PSORS1C1: variants seen among roughly 807,000 people sequenced by gnomAD.
PSORS1C1 encodes psoriasis susceptibility 1 candidate gene 1 protein.
A neutral mutation model predicts 9.4 loss-of-function variants in PSORS1C1; 7 were observed. That is an observed-to-expected ratio of 0.75 (90% CI 0.42 to 1.40). PSORS1C1 has a LOEUF of 1.40. Ranked by LOEUF, PSORS1C1 falls within the 40% of genes most tolerant of loss-of-function variation. PSORS1C1 has a pLI of 0.01. For missense variants in PSORS1C1, 146 were observed against 178.1 expected, an observed-to-expected ratio of 0.82 and a Z score of 1.02; for synonymous variants, 63 against 69.4, an observed-to-expected ratio of 0.91 and a Z score of 0.46.
chr6:31,130,065 C>T (rs1201620580), intron 3 of PSORS1C1, among the ~76,000 whole-genome samples: 3 of 152,002 alleles, frequency 2.0e-5, no homozygotes, highest in Non-Finnish European at 4.4e-5. Flanking sequence ...ACTGTCCAGC[C>T]TGGGCGACAG....
At chr6:31,132,964 T>A (rs1223189821) in intron 3 of PSORS1C1, among the ~76,000 whole-genome samples, 1 of 151,882 alleles carries the variant, frequency 6.6e-6, no homozygotes. Flanking sequence ...TACTGACACC[T>A]TCATATTTGT....
intron 3 of PSORS1C1, among the ~76,000 whole-genome samples, chr6:31,134,474 T>A (rs893669011): frequency 6.6e-6 from 1 of 151,574 alleles, no homozygotes; most frequent in Non-Finnish European, 1.5e-5. Flanking sequence ...GGCTAATTTT[T>A]TTTGTATTTT....
At chr6:31,138,852 G>C in intron 5 of PSORS1C1, 73 bp downstream of exon 5, 1 of 1,608,358 alleles carries the variant, frequency 6.2e-7, no homozygotes, top group Non-Finnish European at 8.5e-7. Flanking sequence ...TGGTGAGCCA[G>C]ATGCACCTTC....
chr6:31,137,918 A>G (rs572585997), intron 3 of PSORS1C1: 291 of 1,146,594 alleles, frequency 2.5e-4, no homozygotes, highest in Admixed American at 3.1e-4. Context: ...GTGCCTGGAG[A>G]TGCCTGGGAA....
intron 2 of PSORS1C1, among the ~76,000 whole-genome samples, chr6:31,127,147 C>G (rs757520519): frequency 6.6e-6 from 1 of 152,200 alleles, no homozygotes; most frequent in Non-Finnish European, 1.5e-5. Context: ...AGGGTGCAGT[C>G]TGAACGTGCT....
intron 1 of PSORS1C1, chr6:31,117,326 T>A (rs1189169278): frequency 6.3e-6 from 10 of 1,581,358 alleles, no homozygotes; most frequent in Non-Finnish European, 6.0e-6. Context: ...CCCTGGGCAA[T>A]GCTGGATCCG....
rs369720906 is a variant in PSORS1C1, at chr6:31,125,112, C to T, written c.-228-564C>T. 1.5e-4 allele frequency among the ~76,000 whole-genome samples: 23 copies of T among 152,252 alleles called. No homozygotes were observed. In the South Asian group the frequency reaches 4.8e-3, roughly 32 times the overall value. ...CATAGGGGTCCTTGGTAGACCAGGGCTTAGGCTTGGAAGAAGGAAAATGGA... is the reference window on the plus strand; with the variant it reads ...CATAGGGGTCCTTGGTAGACCAGGGTTTAGGCTTGGAAGAAGGAAAATGGA... On this transcript the variant is annotated intron_variant, in intron 1 of 5. Transcript: ENST00000259881.
chr6:31,114,824 G>T lies in PSORS1C1; in HGVS notation c.-296G>T, dbSNP rs889095438. 1 of 455,692 alleles carries T rather than the reference G, an allele frequency of 2.2e-6. No homozygotes were observed. Among genetic ancestry groups the T allele is most frequent in the African/African-American group, 2.0e-5 (1 of 49,974 alleles). The allele number at this position is 455,692 out of a possible 1,614,324, so 28.2% of individuals were successfully genotyped here. A position where few individuals can be genotyped will look rare whatever the true frequency, so the allele number is the denominator to read the frequency against. Reference sequence around the variant, plus strand: ...AGTTGTTGTGTCCCAGCCTTCCCAAGCTTCCAGGTGTCCCAGAAACCCAGG... The same window carrying T: ...AGTTGTTGTGTCCCAGCCTTCCCAATCTTCCAGGTGTCCCAGAAACCCAGG... On this transcript the variant is annotated 5_prime_UTR_variant, in exon 1 of 6. Transcript: ENST00000259881.
intron 2 of PSORS1C1, among the ~76,000 whole-genome samples, chr6:31,127,245 G>A (rs1186953948): frequency 1.3e-5 from 2 of 152,102 alleles, no homozygotes; most frequent in Non-Finnish European, 2.9e-5. Context: ...TGGGACTGTG[G>A]TGGCCCATCT....
intron 3 of PSORS1C1, among the ~76,000 whole-genome samples, chr6:31,130,894 G>T (rs981613326): frequency 6.7e-6 from 1 of 150,226 alleles, no homozygotes; most frequent in Non-Finnish European, 1.5e-5. Context: ...GGGTCTTGCT[G>T]TGTTGCCCAG....
At position 31,128,358 on chromosome 6, in the gene PSORS1C1, T is replaced by G. The variant is rs1346697921; in HGVS notation, c.-64-1211T>G. On this transcript the variant is annotated intron_variant, in intron 2 of 5. Coordinates refer to ENST00000259881, the MANE Select transcript of PSORS1C1 (RefSeq NM_014068.3). The surrounding 1 kb of genome is among the most constrained non-coding windows in gnomAD (Gnocchi z 4.3). ...TGGCTCTCAGCATTGCACGGGAGTT[T>G]AGAGGTTATTAAAGAAATCCCCCTA... is the stretch of plus-strand genomic sequence containing the variant. Among the ~76,000 whole-genome samples, 1 of 152,160 alleles carries G rather than the reference T, an allele frequency of 6.6e-6. No homozygotes were observed. Among genetic ancestry groups the G allele is most frequent in the Admixed American group, 6.5e-5 (1 of 15,268 alleles).
chr6:31,115,963 A>G lies in PSORS1C1; in HGVS notation c.-229+1072A>G. ...TGCCTGGGCACTGGACTTCTCCCAT[A>G]TGGGATATAGTGTATGTGCTTGTTT... On this transcript the variant is annotated intron_variant, in intron 1 of 5. Transcript: ENST00000259881. The surrounding 1 kb of genome is among the most constrained non-coding windows in gnomAD (Gnocchi z 4.2). The G allele has an allele frequency of 1.4e-6, 2 of 1,442,388 alleles. No individual in the cohort carries two copies. The highest frequency in any genetic ancestry group is 1.7e-5 in the Admixed American group (1 of 59,566). 89.3% of individuals were successfully genotyped at this position (1,442,388 alleles called of 1,614,324 possible).
At position 31,139,815 on chromosome 6, in the gene PSORS1C1, T is replaced by C; in HGVS notation, c.342T>C (p.Pro114=). Reference sequence around the variant, plus strand: ...AAGAAGCTGCCAGGCTCCAGCAACCTCAGCCCCTTCCTCCTCCCTCAGGAA... The same window carrying C: ...AAGAAGCTGCCAGGCTCCAGCAACCCCAGCCCCTTCCTCCTCCCTCAGGAA... ...APEEAARLQQ[P]QPLPPPSGIH... is the part of the protein sequence containing the mutation. The change falls in exon 6 of 6, where the codon CCT becomes CCC. Residue 114 remains proline (P), a synonymous_variant. Coordinates refer to ENST00000259881, the MANE Select transcript of PSORS1C1 (RefSeq NM_014068.3). This position sits in a 1 kb window ranked among gnomAD's most constrained non-coding sequence, Gnocchi z 5.2. 6.2e-7 allele frequency: 1 copy of C among 1,613,082 alleles called. No individual in the cohort carries two copies. The highest frequency in any genetic ancestry group is 1.1e-5 in the South Asian group (1 of 91,080).
At chr6:31,124,707 C>T (rs1463458872) in intron 1 of PSORS1C1, among the ~76,000 whole-genome samples, 15 of 152,304 alleles carry the variant, frequency 9.8e-5, no homozygotes, top group Admixed American at 7.8e-4. Flanking sequence ...TGGTGGCTCA[C>T]GCCTGTAATC....
intron 2 of PSORS1C1, 110 bp from the exon 3 acceptor site, chr6:31,129,459 A>C (rs776146930): frequency 1.5e-6 from 1 of 647,928 alleles, no homozygotes; most frequent in Non-Finnish European, 2.8e-6. Context: ...CCAGCTAATG[A>C]AGACAGCCTG....
intron 3 of PSORS1C1, among the ~76,000 whole-genome samples, chr6:31,135,809 G>C (rs1773112969): frequency 1.3e-5 from 2 of 151,542 alleles, no homozygotes; most frequent in South Asian, 4.2e-4. Context: ...GGCCAAGATG[G>C]GCCGATCACT....
At chr6:31,120,290 C>A (rs1302776263) in intron 1 of PSORS1C1, 3 of 1,446,772 alleles carry the variant, frequency 2.1e-6, no homozygotes, top group East Asian at 4.9e-5. Context: ...CTCCCGGAGT[C>A]TCCCTCCCGC....
At chr6:31,130,773 C>G (rs1201503877) in intron 3 of PSORS1C1, among the ~76,000 whole-genome samples, 1 of 152,138 alleles carries the variant, frequency 6.6e-6, no homozygotes, top group Non-Finnish European at 1.5e-5. Flanking sequence ...GTATCAAACT[C>G]CTGAGCTCAA....
chr6:31,133,625 G>A lies in PSORS1C1; in HGVS notation c.13+3980G>A, dbSNP rs116965697. 0.01 allele frequency: 1,553 copies of A among 152,314 alleles called. 68 individuals carry two copies. The East Asian group carries it at 0.13, about 13-fold the overall frequency. The allele number at this position is 152,314 out of a possible 1,614,324, so 9.4% of individuals were successfully genotyped here. A position where few individuals can be genotyped will look rare whatever the true frequency, so the allele number is the denominator to read the frequency against. ...CTCACCGTGACTCTTCTGAACTCAC[G>A]GCGTTTACTGCCAAGGCTATTACGT... On this transcript the variant is annotated intron_variant, in intron 3 of 5. Transcript: ENST00000259881.
Sources: gnomAD v4.1 joint callset for allele counts (sites outside exome capture counted in the v4.1 genomes callset) on GRCh38, gnomAD v4.1.1 for gene constraint, Gnocchi (gnomAD v3.1) non-coding constraint, MANE v1.5 for transcripts, NCBI Gene and HGNC (gene_info 2026-07-23, HGNC 2026-07-21) for gene names.